Variants in PRKG1 observed in about 807,000 individuals in gnomAD.
PRKG1 encodes cGMP-dependent protein kinase 1.
PRKG1 carries 35 observed loss-of-function variants against 88.1 expected under a neutral mutation model. That is an observed-to-expected ratio of 0.40 (90% CI 0.30 to 0.53). The LOEUF is 0.53. PRKG1 is among the 20% of genes least tolerant of loss of function. PRKG1 has a pLI of 0.59. For synonymous variants in PRKG1, 303 were observed against 292.5 expected (o/e 1.04, Z -0.37); for missense variants, 540 against 839.8 (o/e 0.64, Z 4.41).
chr10:51,171,623 GTACT>G lies in PRKG1; in HGVS notation c.478+18301_478+18304del, dbSNP rs1837026334. On this transcript the variant is annotated intron_variant, in intron 2 of 17. Transcript: ENST00000373980. The stretch of plus-strand genomic sequence containing the variant: ...TCACCTGCCTTCATCCTCCTGTCTA[GTACT>G]TACTTACAGAAAGGCTAGAAAAAGT... Among the ~76,000 whole-genome samples the G allele has an allele frequency of 2.0e-5, 3 of 152,182 alleles. No homozygotes were observed. In the South Asian group the frequency reaches 6.2e-4, roughly 32 times the overall value.
chr10:52,147,867 A>G (rs1299061970), intron 8 of PRKG1, among the ~76,000 whole-genome samples: 1 of 152,174 alleles, frequency 6.6e-6, no homozygotes, highest in Non-Finnish European at 1.5e-5. Flanking sequence ...GCAAGTCTGG[A>G]TGGAAGCTGG....
chr10:51,659,693 T>C (rs1287069801), intron 3 of PRKG1, among the ~76,000 whole-genome samples: 1 of 152,066 alleles, frequency 6.6e-6, no homozygotes, highest in Admixed American at 6.6e-5. Context: ...TGAAGCCTAT[T>C]CCAATTTGGA....
At chr10:52,108,145 T>C (rs998261568) in intron 7 of PRKG1, among the ~76,000 whole-genome samples, 1 of 152,250 alleles carries the variant, frequency 6.6e-6, no homozygotes, top group African/African-American at 2.4e-5. Context: ...AAAACTGTTT[T>C]GGAGAGGAAT....
At chr10:51,206,894 A>G (rs1838076242) in intron 2 of PRKG1, among the ~76,000 whole-genome samples, 1 of 152,232 alleles carries the variant, frequency 6.6e-6, no homozygotes, top group Admixed American at 6.5e-5. Context: ...TATCATTCAT[A>G]TGATACATTC....
intron 2 of PRKG1, among the ~76,000 whole-genome samples, chr10:51,168,231 G>C (rs1589215331): frequency 6.6e-6 from 1 of 152,008 alleles, no homozygotes. Flanking sequence ...CATTTTCTCA[G>C]TAGTATACAG....
At chr10:51,871,416 A>G (rs1158560000) in intron 4 of PRKG1, among the ~76,000 whole-genome samples, 2 of 152,126 alleles carry the variant, frequency 1.3e-5, no homozygotes, top group South Asian at 2.1e-4. Flanking sequence ...TGAATCACCC[A>G]TAGCCCTGTT....
At chr10:52,024,437 A>C (rs1408171730) in intron 5 of PRKG1, among the ~76,000 whole-genome samples, 1 of 151,734 alleles carries the variant, frequency 6.6e-6, no homozygotes, top group Non-Finnish European at 1.5e-5. Flanking sequence ...TCATTAACTC[A>C]TCATTTACAT....
intron 5 of PRKG1, among the ~76,000 whole-genome samples, chr10:52,000,719 T>A (rs545008520): frequency 6.6e-6 from 1 of 152,060 alleles, no homozygotes; most frequent in African/African-American, 2.4e-5. Flanking sequence ...TTTGTTGTTG[T>A]TAAAATATTC....
At chr10:51,249,297 G>A (rs756163742) in intron 2 of PRKG1, among the ~76,000 whole-genome samples, 3 of 151,780 alleles carry the variant, frequency 2.0e-5, no homozygotes, top group East Asian at 1.9e-4. Context: ...ATTAAGCAAC[G>A]CATATATTAT....
chr10:51,843,989 T>A (rs562482459), intron 4 of PRKG1, among the ~76,000 whole-genome samples: 12 of 152,182 alleles, frequency 7.9e-5, no homozygotes, highest in Non-Finnish European at 1.8e-4. Context: ...ATCAGGAGTA[T>A]ACATAGTACT....
At chr10:51,278,808 A>G (rs1042192062) in intron 2 of PRKG1, among the ~76,000 whole-genome samples, 2 of 152,034 alleles carry the variant, frequency 1.3e-5, no homozygotes, top group Non-Finnish European at 2.9e-5. Flanking sequence ...TATCCCCTTT[A>G]TCATTTTTTA....
At chr10:51,422,435 T>G (rs1341154294) in intron 2 of PRKG1, among the ~76,000 whole-genome samples, 3 of 152,172 alleles carry the variant, frequency 2.0e-5, no homozygotes, top group Admixed American at 2.0e-4. Context: ...ATGGGCCAGT[T>G]GCCGGCCCCA....
At chr10:51,815,181 A>G (rs1481191464) in intron 4 of PRKG1, among the ~76,000 whole-genome samples, 1 of 152,198 alleles carries the variant, frequency 6.6e-6, no homozygotes, top group Non-Finnish European at 1.5e-5. Context: ...GTGACAAAGC[A>G]GTTTAATATT....
intron 9 of PRKG1, among the ~76,000 whole-genome samples, chr10:52,177,023 A>T (rs1838884739): frequency 6.6e-6 from 1 of 152,094 alleles, no homozygotes; most frequent in South Asian, 2.1e-4. Context: ...TCTCTTGCCT[A>T]ATTGCTCTGG....
intron 5 of PRKG1, among the ~76,000 whole-genome samples, chr10:52,035,488 G>A (rs1845584288): frequency 6.6e-6 from 1 of 152,318 alleles, no homozygotes; most frequent in South Asian, 2.1e-4. Context: ...GGTGTGTGGT[G>A]ATTAGGCCTG....
In PRKG1 at chr10:51,262,874, G is replaced by GCCTCCCATCAATCC. The variant is rs546666492; in HGVS notation, c.478+109551_478+109564dup. Among the ~76,000 whole-genome samples, 876 of 152,150 alleles carry GCCTCCCATCAATCC rather than the reference G, an allele frequency of 5.8e-3. 8 individuals are homozygous for GCCTCCCATCAATCC. The highest frequency in any genetic ancestry group is 0.02 in the African/African-American group (844 of 41,498). The stretch of plus-strand genomic sequence containing the variant: ...GGCAATCTGGCCCCATGATCCAATC[G>GCCTCCCATCAATCC]CCTCCCATCAATCCCCTCCCTGACA... On this transcript the variant is annotated intron_variant, in intron 2 of 17. Coordinates refer to ENST00000373980, the MANE Select transcript of PRKG1 (RefSeq NM_006258.4).
chr10:51,835,139 C>T (rs996784547), intron 4 of PRKG1, among the ~76,000 whole-genome samples: 1 of 152,074 alleles, frequency 6.6e-6, no homozygotes, highest in Admixed American at 6.6e-5. Context: ...GATTATGGGG[C>T]TTTGGCTTAC....
intron 2 of PRKG1, among the ~76,000 whole-genome samples, chr10:51,297,737 G>T (rs1030372791): frequency 2.6e-5 from 4 of 152,078 alleles, no homozygotes; most frequent in African/African-American, 9.7e-5. Context: ...TAGGTTTTAA[G>T]ATGGCATCTT....
rs185878411 is a variant in PRKG1, at chr10:51,821,490, A to G, written c.698+16800A>G. ...AAATATAAAAAAAGAGGTTTGTTCC[A>G]GATCCTAACAGTATTTAGTATTGTC... On this transcript the variant is annotated intron_variant, in intron 4 of 17. Coordinates refer to ENST00000373980, the MANE Select transcript of PRKG1 (RefSeq NM_006258.4). Among the ~76,000 whole-genome samples the G allele has an allele frequency of 6.4e-3, 975 of 152,284 alleles. 8 individuals carry two copies. Among genetic ancestry groups the G allele is most frequent in the African/African-American group, 0.022 (923 of 41,568 alleles).
Sources: gnomAD v4.1 joint callset for allele counts (sites outside exome capture counted in the v4.1 genomes callset) on GRCh38, gnomAD v4.1.1 for gene constraint, MANE v1.5 for transcripts, NCBI Gene and HGNC (gene_info 2026-07-23, HGNC 2026-07-21) for gene names.